Variants in SLFN11 observed in about 807,000 individuals in gnomAD.
SLFN11 encodes the protein schlafen family member 11.
SLFN11 carries 43 observed loss-of-function variants against 53.4 expected under a neutral mutation model. The ratio of observed to expected loss-of-function variants is 0.80; its 90% CI spans 0.63 to 1.04. SLFN11 has a LOEUF of 1.04. Among genes scored for constraint, SLFN11 ranks in the 50% least tolerant of loss-of-function variants. The pLI, the probability that SLFN11 is intolerant of heterozygous loss-of-function variation, is 0.00. For synonymous variants in SLFN11, 389 were observed against 394.7 expected (o/e 0.99, Z 0.17); for missense variants, 990 against 1,079.1 (o/e 0.92, Z 1.16).
intron 1 of SLFN11, among the ~76,000 whole-genome samples, chr17:35,369,566 G>T (rs1384018704): frequency 6.6e-6 from 1 of 152,028 alleles, no homozygotes; most frequent in Non-Finnish European, 1.5e-5. Flanking sequence ...ACACAGCTTG[G>T]CTGGCTTCAC....
At chr17:35,371,492 G>T (rs1230535029) in intron 1 of SLFN11, among the ~76,000 whole-genome samples, 3 of 152,008 alleles carry the variant, frequency 2.0e-5, no homozygotes, top group Non-Finnish European at 4.4e-5. Flanking sequence ...AAGTTAAAAA[G>T]CTTCTGCACA....
Position 35,362,967 on chromosome 17 carries a change from G to A in SLFN11, c.841C>T (p.Leu281=). 1 of 1,613,828 alleles carries A rather than the reference G, an allele frequency of 6.2e-7. No individual in the cohort carries two copies. The highest frequency in any genetic ancestry group is 8.5e-7 in the Non-Finnish European group (1 of 1,179,896). ...GGTTGGCAAAAATGAACACAAGGTAGTTTGTATATGGCTTGTTCTATTTTC... is the reference window on the plus strand; with the variant it reads ...GGTTGGCAAAAATGAACACAAGGTAATTTGTATATGGCTTGTTCTATTTTC... ...RRKIEQAIYK[L]PCVHFCQPQR... Residue 281 remains leucine, a synonymous_variant, in exon 4 of 7, where the codon CTA becomes TTA. Coordinates refer to ENST00000685675, the MANE Select transcript of SLFN11 (RefSeq NM_001376007.1).
chr17:35,372,303 C>A (rs757260604), intron 1 of SLFN11, among the ~76,000 whole-genome samples: 12 of 151,994 alleles, frequency 7.9e-5, no homozygotes, highest in Non-Finnish European at 1.6e-4. Context: ...AGAAGGATGA[C>A]TACCTGAGGA....
In SLFN11 at chr17:35,353,402, A is replaced by G. The variant is rs1350908562; in HGVS notation, c.1856T>C (p.Val619Ala). Residue 619 changes from valine to alanine, a missense_variant, in exon 6 of 7, where the codon GTG becomes GCG. Coordinates refer to ENST00000685675, the MANE Select transcript of SLFN11 (RefSeq NM_001376007.1). ...AATTCTGTGTGCCTCACAGTGAAAC[A>G]CATTCCTGATCTTCTCCATGATCTT... ...AMKIMEKIRN[V>A]FHCEAHRILY... The G allele has an allele frequency of 6.2e-7, 1 of 1,606,278 alleles. No individual in the cohort carries two copies. The highest frequency in any genetic ancestry group is 8.5e-7 in the Non-Finnish European group (1 of 1,176,050).
intron 2 of SLFN11, 94 bp from the exon 3 acceptor site, chr17:35,367,157 A>G (rs1265731264): frequency 1.3e-5 from 2 of 152,084 alleles, no homozygotes; most frequent in Non-Finnish European, 2.9e-5. Context: ...TATTTCTCAA[A>G]ATTCCATTCT....
chr17:35,351,340 C>T lies in SLFN11; in HGVS notation c.*1016G>A, dbSNP rs1218833674. Reference sequence around the variant, plus strand: ...TACTTCCTTAGCAGCCCCAGCTCCACAGTGCAGGTTGGGGCTTCAACACGG... The same window carrying T: ...TACTTCCTTAGCAGCCCCAGCTCCATAGTGCAGGTTGGGGCTTCAACACGG... On this transcript the variant is annotated 3_prime_UTR_variant, in exon 7 of 7. Coordinates refer to ENST00000685675, the MANE Select transcript of SLFN11 (RefSeq NM_001376007.1). The T allele has an allele frequency of 2.0e-5, 3 of 152,200 alleles. No individual in the cohort carries two copies. Among genetic ancestry groups the T allele is most frequent in the Non-Finnish European group, 4.4e-5 (3 of 68,096 alleles). 9.4% of individuals were successfully genotyped at this position (152,200 alleles called of 1,614,324 possible).
chr17:35,350,499 TAA>T lies in SLFN11; in HGVS notation c.*1855_*1856del, dbSNP rs1182389333. ...ATATTGTTAGTGGGGCAATAAATCA[TAA>T]AGAGATACAACCAGTCGAAATTAGA... On this transcript the variant is annotated 3_prime_UTR_variant, in exon 7 of 7. Transcript: ENST00000685675. 2.6e-5 allele frequency: 4 copies of T among 152,168 alleles called. No homozygotes were observed. The highest frequency in any genetic ancestry group is 5.9e-5 in the Non-Finnish European group (4 of 68,026). The allele number at this position is 152,168 out of a possible 1,614,324, so 9.4% of individuals were successfully genotyped here.
Position 35,353,808 on chromosome 17 carries a change from G to A in SLFN11, c.1450C>T (p.Gln484Ter), listed in dbSNP as rs2141928511. The A allele has an allele frequency of 6.3e-7, 1 of 1,588,556 alleles. No individual in the cohort carries two copies. The highest frequency in any genetic ancestry group is 8.6e-7 in the Non-Finnish European group (1 of 1,165,218). Residue 484 changes from glutamine to a stop codon, truncating the protein, a stop_gained, in exon 6 of 7, where the codon CAG becomes TAG. Coordinates refer to ENST00000685675, the MANE Select transcript of SLFN11 (RefSeq NM_001376007.1). LOFTEE classifies it high-confidence loss of function. The stretch of plus-strand genomic sequence containing the variant: ...AAGGCGGTGCGAGTGCAGTAGTCCT[G>A]GCCCTCTGCATCTTGCTCCCTGAGA... ...TILREQDAEG[Q>*]DYCTRTAFTL...
chr17:35,353,533 A>G lies in SLFN11; in HGVS notation c.1725T>C (p.Asn575=), dbSNP rs1907039447. The G allele has an allele frequency of 3.5e-6, 5 of 1,411,460 alleles. No individual in the cohort carries two copies. The highest frequency in any genetic ancestry group is 1.6e-5 in the African/African-American group (1 of 64,234). The allele number at this position is 1,411,460 out of a possible 1,614,324, so 87.4% of individuals were successfully genotyped here. A position where few individuals can be genotyped will look rare whatever the true frequency, so the allele number is the denominator to read the frequency against. Residue 575 remains asparagine (N), a synonymous_variant, in exon 6 of 7, where the codon AAT becomes AAC. Transcript: ENST00000685675. Reference sequence around the variant, plus strand: ...TCTCATACTGCTGGGCTGTGAGCAGATTTAAAACCTCACAGCCGAGCTGGT... The same window carrying G: ...TCTCATACTGCTGGGCTGTGAGCAGGTTTAAAACCTCACAGCCGAGCTGGT... ...LSDQLGCEVL[N]LLTAQQYEIF...
At chr17:35,372,101 A>C (rs1187105398) in intron 1 of SLFN11, among the ~76,000 whole-genome samples, 1 of 152,188 alleles carries the variant, frequency 6.6e-6, no homozygotes, top group Non-Finnish European at 1.5e-5. Context: ...ATGGATAAAG[A>C]AAATGATGTG....
intron 5 of SLFN11, among the ~76,000 whole-genome samples, chr17:35,355,755 C>A (rs924241967): frequency 6.6e-6 from 1 of 152,118 alleles, no homozygotes; most frequent in African/African-American, 2.4e-5. Context: ...TCCAGGTGCA[C>A]CAGAGTAGTC....
In SLFN11 at chr17:35,363,836, G is replaced by C; in HGVS notation, c.-19-10C>G. The C allele has an allele frequency of 6.6e-7, 1 of 1,522,840 alleles. No homozygotes were observed. Among genetic ancestry groups the C allele is most frequent in the Non-Finnish European group, 8.8e-7 (1 of 1,136,508 alleles). The allele number at this position is 1,522,840 out of a possible 1,614,324, so 94.3% of individuals were successfully genotyped here. A position where few individuals can be genotyped will look rare whatever the true frequency, so the allele number is the denominator to read the frequency against. On this transcript the variant is annotated splice_polypyrimidine_tract_variant and intron_variant, in intron 3 of 6. Transcript: ENST00000685675. Reference sequence around the variant, plus strand: ...GAACTCACAGCTGAAACTATTAGAAGAAATGAAGTGTTACATGCATGCAAT... The same window carrying C: ...GAACTCACAGCTGAAACTATTAGAACAAATGAAGTGTTACATGCATGCAAT...
intron 5 of SLFN11, among the ~76,000 whole-genome samples, chr17:35,354,895 G>T (rs1170121800): frequency 6.6e-6 from 1 of 151,980 alleles, no homozygotes; most frequent in Non-Finnish European, 1.5e-5. Context: ...ATTGGTAATT[G>T]TTTCTTGTTC....
At chr17:35,369,153 C>G (rs1171244771) in intron 1 of SLFN11, among the ~76,000 whole-genome samples, 2 of 151,966 alleles carry the variant, frequency 1.3e-5, no homozygotes, top group African/African-American at 4.8e-5. Flanking sequence ...TAGGTACCAG[C>G]TTAGCCACAG....
At chr17:35,362,684 G>A in intron 4 of SLFN11, 55 bp downstream of exon 4, 2 of 1,392,402 alleles carry the variant, frequency 1.4e-6, no homozygotes, top group Non-Finnish European at 1.9e-6. Flanking sequence ...AATTTAATAT[G>A]GGAGGTCCCA....
In SLFN11 at chr17:35,362,854, AT is replaced by A. The variant is rs1209777645; in HGVS notation, c.953del (p.Asn318IlefsTer16). The A allele has an allele frequency of 1.2e-6, 2 of 1,613,936 alleles. No homozygotes were observed. ...LYGYACMIRV[N>X]PFCCAVFSEA... The stretch of plus-strand genomic sequence containing the variant: ...CTGAGAACACTGCACAGCAGAAGGG[AT>A]TTACTCTGATCATGCAAGCATAGCC... On this transcript the variant is annotated frameshift_variant, in exon 4 of 7. Coordinates refer to ENST00000685675, the MANE Select transcript of SLFN11 (RefSeq NM_001376007.1). LOFTEE classifies it high-confidence loss of function.
intron 6 of SLFN11, 74 bp downstream of exon 6, chr17:35,353,262 A>T (rs764604688): frequency 6.2e-7 from 1 of 1,606,116 alleles, no homozygotes; most frequent in African/African-American, 1.4e-5. Context: ...AATTCTCAAG[A>T]AAGACGGTGA....
chr17:35,362,213 T>C (rs1342043787), intron 4 of SLFN11, among the ~76,000 whole-genome samples: 1 of 152,108 alleles, frequency 6.6e-6, no homozygotes, highest in Non-Finnish European at 1.5e-5. Context: ...TGGAAAGCCA[T>C]GCACAGTAGC....
At chr17:35,373,076 C>G (rs1567830779) in intron 1 of SLFN11, among the ~76,000 whole-genome samples, 1 of 152,066 alleles carries the variant, frequency 6.6e-6, no homozygotes, top group African/African-American at 2.4e-5. Flanking sequence ...GTTTAAAATA[C>G]CAATAACTCT....
Sources: allele counts gnomAD v4.1 joint callset (sites outside exome capture counted in the v4.1 genomes callset), GRCh38; gene constraint gnomAD v4.1.1; transcripts MANE v1.5; gene names NCBI Gene and HGNC (gene_info 2026-07-23, HGNC 2026-07-21).